CELA3A: variants seen among roughly 807,000 people sequenced by gnomAD.
CELA3A encodes the protein chymotrypsin like elastase 3A, also known as chymotrypsin-like elastase family member 3A.
A neutral mutation model predicts 38.6 loss-of-function variants in CELA3A; 35 were observed. That is an observed-to-expected ratio of 0.91 (90% confidence interval 0.69 to 1.20). The LOEUF (loss-of-function observed/expected upper bound fraction) is 1.20, where lower values mean the gene tolerates loss of function less well. Ranked by LOEUF, CELA3A falls within the 50% of genes most tolerant of loss-of-function variation. The probability of loss-of-function intolerance (pLI) is 0.00; values close to 1 mark genes in which losing one functional copy is unlikely to be tolerated. For synonymous variants in CELA3A, 143 were observed against 136.7 expected, an observed-to-expected ratio of 1.05 and a Z score of -0.32; for missense variants, 343 against 354.2, an observed-to-expected ratio of 0.97 and a Z score of 0.25.
At position 22,009,756 on chromosome 1, in the gene CELA3A, G is replaced by T; in HGVS notation, c.694G>T (p.Val232Phe). Residue 232 changes from valine to phenylalanine, a missense_variant, in exon 7 of 8, where the codon GTC becomes TTC. Physicochemically the swap from Val to Phe is conservative, Grantham distance 50. Coordinates refer to ENST00000290122, the MANE Select transcript of CELA3A (RefSeq NM_005747.5). ...NCPTEDGGWQ[V>F]HGVTSFVSAF... ...CCCCACAGAGGATGGTGGCTGGCAG[G>T]TCCACGGTGTGACCAGCTTTGTTTC... is the stretch of plus-strand genomic sequence containing the variant. 1 of 1,612,288 alleles carries T rather than the reference G, an allele frequency of 6.2e-7. No homozygotes were observed. The highest frequency in any genetic ancestry group is 8.5e-7 in the Non-Finnish European group (1 of 1,179,448).
intron 7 of CELA3A, 28 bp downstream of exon 7, chr1:22,009,885 C>G: frequency 4.4e-6 from 7 of 1,598,282 alleles, no homozygotes; most frequent in Non-Finnish European, 6.0e-6. Context: ...GCCCGGAGGG[C>G]TTTAGGGTGG....
At chr1:22,009,380 A>C (rs1204515145) in intron 6 of CELA3A, among the ~76,000 whole-genome samples, 1 of 150,612 alleles carries the variant, frequency 6.6e-6, no homozygotes, top group Non-Finnish European at 1.5e-5. Flanking sequence ...AAAATAAATA[A>C]ATAAATAAAC....
At chr1:22,002,413 G>T (rs139300305) in intron 1 of CELA3A, 6,356 of 406,798 alleles carry the variant, frequency 0.016, 229 homozygotes, top group African/African-American at 0.059. Flanking sequence ...GCCCAGACTG[G>T]TCTCAAAATC....
Position 22,005,808 on chromosome 1 carries a change from C to T in CELA3A, c.362+12C>T, listed in dbSNP as rs768789704. ...TGTGTGGCCTGTGGGTGAGTGAATG[C>T]TCCGGTCTGGAACCCAGGGGCTCCT... is the stretch of plus-strand genomic sequence containing the variant. On this transcript the variant is annotated intron_variant, in intron 4 of 7. Coordinates refer to ENST00000290122, the MANE Select transcript of CELA3A (RefSeq NM_005747.5). 17 of 1,610,602 alleles carry T rather than the reference C, an allele frequency of 1.1e-5. No individual in the cohort carries two copies. Among genetic ancestry groups the T allele is most frequent in the African/African-American group, 2.7e-5 (2 of 74,422 alleles).
In CELA3A at chr1:22,001,661, T is replaced by C. The variant is rs1441271674; in HGVS notation, c.-14T>C. 1 of 1,611,722 alleles carries C rather than the reference T, an allele frequency of 6.2e-7. No homozygotes were observed. Among genetic ancestry groups the C allele is most frequent in the Non-Finnish European group, 8.5e-7 (1 of 1,179,284 alleles). ...CCCCAGGCTCTGTGCCCTTTTCCTA[T>C]CATCACAAAACTCATGATGCTCCGG... On this transcript the variant is annotated 5_prime_UTR_variant, in exon 1 of 8. Coordinates refer to ENST00000290122, the MANE Select transcript of CELA3A (RefSeq NM_005747.5).
At chr1:22,003,347 G>A (rs1231623623) in intron 2 of CELA3A, among the ~76,000 whole-genome samples, 1 of 151,096 alleles carries the variant, frequency 6.6e-6, no homozygotes, top group Non-Finnish European at 1.5e-5. Context: ...CACACTGATG[G>A]TGGAATTTCA....
At chr1:22,006,099 TG>T (rs1161882941) in intron 4 of CELA3A, 2 of 385,934 alleles carry the variant, frequency 5.2e-6, no homozygotes, top group African/African-American at 4.1e-5. Context: ...AGGGTTCCTC[TG>T]GCATCCTTCC....
rs540949326 is a variant in CELA3A at position 22,004,152 on chromosome 1, G to T, written c.129+1064G>T. Among the ~76,000 whole-genome samples, 123 of 145,528 alleles carry T rather than the reference G, an allele frequency of 8.5e-4. 3 individuals are homozygous for T. The highest frequency in any genetic ancestry group is 3.6e-3 in the Middle Eastern group (1 of 274). Reference sequence around the variant, plus strand: ...AGTGGTGTGATCTCAGCTTACTGCAGCCTTGACCTCCTAGGTCCAAGCAAT... The same window carrying T: ...AGTGGTGTGATCTCAGCTTACTGCATCCTTGACCTCCTAGGTCCAAGCAAT... On this transcript the variant is annotated intron_variant, in intron 2 of 7. Coordinates refer to ENST00000290122, the MANE Select transcript of CELA3A (RefSeq NM_005747.5).
chr1:22,007,455 G>A lies in CELA3A; in HGVS notation c.582G>A (p.Trp194Ter), dbSNP rs773501265. 2.7e-5 allele frequency: 43 copies of A among 1,612,446 alleles called. 1 individual carries two copies. Among genetic ancestry groups the A allele is most frequent in the Non-Finnish European group, 3.2e-5 (38 of 1,179,430 alleles). The change falls in exon 6 of 8, where the codon TGG becomes TGA. Residue 194 changes from tryptophan to a stop codon, truncating the protein, a stop_gained. Transcript: ENST00000290122. LOFTEE classifies it high-confidence loss of function. ...DYKHCSRWNW[W>*]GSTVKKTMVC... The stretch of plus-strand genomic sequence containing the variant: ...AGCACTGCTCCAGGTGGAACTGGTG[G>A]GGTTCCACCGTGAAGAAAACCATGG...
Position 22,001,808 on chromosome 1 carries a change from T to C in CELA3A, c.43+91T>C. ...ACTCGCTCTGAGTCCCATGACATGC[T>C]ATGCCTGGTTCCACAGGAGGGGGTC... is the stretch of plus-strand genomic sequence containing the variant. On this transcript the variant is annotated intron_variant, in intron 1 of 7. Coordinates refer to ENST00000290122, the MANE Select transcript of CELA3A (RefSeq NM_005747.5). The C allele has an allele frequency of 3.9e-6, 6 of 1,546,136 alleles. 1 individual carries two copies. The highest frequency in any genetic ancestry group is 3.3e-5 in the South Asian group (3 of 89,726).
chr1:22,002,629 C>T (rs533381882), intron 1 of CELA3A: 1 of 457,888 alleles, frequency 2.2e-6, no homozygotes, highest in African/African-American at 2.0e-5. Flanking sequence ...AGGTGTGAAC[C>T]ACCACACACA....
In CELA3A at chr1:22,011,633, C is replaced by G. The variant is rs1329517934; in HGVS notation, c.796-817C>G. Among the ~76,000 whole-genome samples, 2 of 124,626 alleles carry G rather than the reference C, an allele frequency of 1.6e-5. 1 individual carries two copies. Among genetic ancestry groups the G allele is most frequent in the Non-Finnish European group, 3.3e-5 (2 of 61,050 alleles). 81.8% of individuals were successfully genotyped at this position (124,626 alleles called of 152,430 possible). On this transcript the variant is annotated intron_variant, in intron 7 of 7. Coordinates refer to ENST00000290122, the MANE Select transcript of CELA3A (RefSeq NM_005747.5). The stretch of plus-strand genomic sequence containing the variant: ...AAATTGGCCAGGCGTGGTAGTGCGT[C>G]GCTGTAATCTCAGCTACTTGGGAGG...
rs377241302 is a variant in CELA3A at position 22,001,872 on chromosome 1, G to A, written c.43+155G>A. Reference sequence around the variant, plus strand: ...GGGGGCATGACTGTAGGGGCTTTCAGCTTATGATGGAGCAGGAGAGTGGAG... The same window carrying A: ...GGGGGCATGACTGTAGGGGCTTTCAACTTATGATGGAGCAGGAGAGTGGAG... On this transcript the variant is annotated intron_variant, in intron 1 of 7. Coordinates refer to ENST00000290122, the MANE Select transcript of CELA3A (RefSeq NM_005747.5). Among the ~76,000 whole-genome samples the A allele has an allele frequency of 1.3e-5, 2 of 151,310 alleles. 1 individual carries two copies. Among genetic ancestry groups the A allele is most frequent in the East Asian group, 3.9e-4 (2 of 5,128 alleles).
intron 2 of CELA3A, among the ~76,000 whole-genome samples, chr1:22,004,580 G>C (rs530562640): frequency 5.1e-4 from 78 of 151,900 alleles, no homozygotes; most frequent in Non-Finnish European, 1.0e-3. Flanking sequence ...TAGCATGAAA[G>C]CAGACACAAA....
At chr1:22,011,329 C>T (rs1468357723) in intron 7 of CELA3A, among the ~76,000 whole-genome samples, 2 of 146,576 alleles carry the variant, frequency 1.4e-5, no homozygotes, top group Non-Finnish European at 3.0e-5. Context: ...TGCAGTGAGC[C>T]GAGATTACGC....
At position 22,003,212 on chromosome 1, in the gene CELA3A, A is replaced by G. The variant is rs1394018952; in HGVS notation, c.129+124A>G. ...ATGTCCACTTCAGCTTCCAAAGACC[A>G]GGCAGCCCTTGGACCATCTACTTCA... On this transcript the variant is annotated intron_variant, in intron 2 of 7. Transcript: ENST00000290122. The G allele has an allele frequency of 1.1e-5, 11 of 1,045,970 alleles. No individual in the cohort carries two copies. The Admixed American group carries it at 2.3e-4, about 21-fold the overall frequency. The allele number at this position is 1,045,970 out of a possible 1,614,324, so 64.8% of individuals were successfully genotyped here.
chr1:22,006,539 A>T (rs1311375538), intron 4 of CELA3A, among the ~76,000 whole-genome samples: 1 of 150,272 alleles, frequency 6.7e-6, no homozygotes, highest in Non-Finnish European at 1.5e-5. Context: ...AAATAAATAA[A>T]TGAATAAATA....
chr1:22,006,775 A>G (rs1569870366), intron 4 of CELA3A, 103 bp from the exon 5 acceptor site: 21 of 1,451,262 alleles, frequency 1.4e-5, no homozygotes, highest in African/African-American at 8.7e-5. Context: ...GAGGGTAAAG[A>G]AGTTGGGGCA....
In CELA3A at chr1:22,012,523, G is replaced by A; in HGVS notation, c.*56G>A. On this transcript the variant is annotated 3_prime_UTR_variant, in exon 8 of 8. Transcript: ENST00000290122. Reference sequence around the variant, plus strand: ...TCCCACATCCTGAATAAAGAATAAAGATCTCTCAGAAAATTCCAAGTTGAA... The same window carrying A: ...TCCCACATCCTGAATAAAGAATAAAAATCTCTCAGAAAATTCCAAGTTGAA... The A allele has an allele frequency of 1.1e-6, 1 of 944,224 alleles. No individual in the cohort carries two copies. Among genetic ancestry groups the A allele is most frequent in the Non-Finnish European group, 1.5e-6 (1 of 654,006 alleles). 58.5% of individuals were successfully genotyped at this position (944,224 alleles called of 1,614,324 possible).
Sources: gnomAD v4.1 joint callset for allele counts (sites outside exome capture counted in the v4.1 genomes callset) on GRCh38, gnomAD v4.1.1 for gene constraint, MANE v1.5 for transcripts, NCBI Gene and HGNC (gene_info 2026-07-23, HGNC 2026-07-21) for gene names.